SHISAL2B: variants seen among roughly 807,000 people sequenced by gnomAD.
SHISAL2B encodes protein shisa-like-2B.
SHISAL2B carries 12 observed loss-of-function variants against 16.5 expected under a neutral mutation model. That is an observed-to-expected ratio of 0.73 (90% CI 0.47 to 1.18). The LOEUF is 1.18. Ranked by LOEUF, SHISAL2B falls within the 50% of genes most tolerant of loss-of-function variation. SHISAL2B has a pLI of 0.00. For synonymous variants in SHISAL2B, 72 were observed against 75.0 expected, an observed-to-expected ratio of 0.96 and a Z score of 0.21; for missense variants, 183 against 193.6, an observed-to-expected ratio of 0.95 and a Z score of 0.33.
intron 2 of SHISAL2B, 28 bp from the exon 3 acceptor site, chr5:64,717,861 A>G (rs1742079273): frequency 1.3e-6 from 2 of 1,487,448 alleles, no homozygotes; most frequent in African/African-American, 1.4e-5. Flanking sequence ...ATAATTTCAA[A>G]TAATTATTTT....
intron 2 of SHISAL2B, among the ~76,000 whole-genome samples, chr5:64,700,678 G>C (rs1001138112): frequency 6.6e-6 from 1 of 152,054 alleles, no homozygotes; most frequent in African/African-American, 2.4e-5. Context: ...CTACCAAAGT[G>C]CTGGGATTAT....
chr5:64,708,259 A>C (rs1175018717), intron 2 of SHISAL2B, among the ~76,000 whole-genome samples: 2 of 152,166 alleles, frequency 1.3e-5, no homozygotes, highest in African/African-American at 4.8e-5. Flanking sequence ...CAATAAGCCA[A>C]ATATGTCTCT....
intron 1 of SHISAL2B, among the ~76,000 whole-genome samples, chr5:64,694,992 C>T (rs1339206246): frequency 6.6e-5 from 10 of 152,086 alleles, no homozygotes; most frequent in South Asian, 4.2e-4. Flanking sequence ...CGGCCGGGAG[C>T]GGTGGCTCAC....
At chr5:64,707,297 C>T (rs1018071925) in intron 2 of SHISAL2B, among the ~76,000 whole-genome samples, 1 of 151,814 alleles carries the variant, frequency 6.6e-6, no homozygotes, top group Non-Finnish European at 1.5e-5. Flanking sequence ...AGTTTGTATC[C>T]TCAAATACCT....
intron 2 of SHISAL2B, among the ~76,000 whole-genome samples, chr5:64,714,058 T>A (rs1303111397): frequency 6.7e-6 from 1 of 149,022 alleles, no homozygotes; most frequent in Admixed American, 6.6e-5. Flanking sequence ...TCATTCTCCA[T>A]CCAGCTTTGT....
At position 64,690,796 on chromosome 5, in the gene SHISAL2B, G is replaced by C. The variant is rs746881061; in HGVS notation, c.173G>C (p.Ser58Thr). 2.3e-5 allele frequency: 35 copies of C among 1,538,994 alleles called. No individual in the cohort carries two copies. The highest frequency in any genetic ancestry group is 4.9e-5 in the East Asian group (2 of 40,774). The part of the protein sequence containing the change: ...EPGSYFPYKH[S>T]YMWSLSIGAL... ...GGCAGCTACTTCCCCTACAAGCACA[G>C]CTACATGTGGAGCCTCAGGTGGGCT... is the stretch of plus-strand genomic sequence containing the variant. The change falls in exon 1 of 3, where the codon AGC becomes ACC. Residue 58 changes from serine (S) to threonine (T), a missense_variant. Coordinates refer to ENST00000389074, the MANE Select transcript of SHISAL2B (RefSeq NM_001164442.2).
intron 2 of SHISAL2B, among the ~76,000 whole-genome samples, chr5:64,712,532 A>G (rs1465296749): frequency 1.3e-5 from 2 of 150,416 alleles, no homozygotes; most frequent in Admixed American, 6.6e-5. Context: ...TGGGGTGGAG[A>G]GTTCTGTAGA....
At chr5:64,691,017 G>A (rs1454915117) in intron 1 of SHISAL2B, among the ~76,000 whole-genome samples, 1 of 152,238 alleles carries the variant, frequency 6.6e-6, no homozygotes, top group Non-Finnish European at 1.5e-5. Context: ...TCCCCCGGGA[G>A]CCAGGACAGG....
intron 2 of SHISAL2B, among the ~76,000 whole-genome samples, chr5:64,708,455 A>C (rs1024837178): frequency 6.6e-6 from 1 of 152,170 alleles, no homozygotes; most frequent in Non-Finnish European, 1.5e-5. Flanking sequence ...AACAGGTGAA[A>C]ACCTTTATTC....
intron 1 of SHISAL2B, among the ~76,000 whole-genome samples, chr5:64,693,352 T>C (rs2112054665): frequency 6.6e-6 from 1 of 152,198 alleles, no homozygotes; most frequent in Admixed American, 6.5e-5. Flanking sequence ...TGAAACTGTT[T>C]GTCAGTATTA....
chr5:64,716,619 A>T (rs1398751536), intron 2 of SHISAL2B, among the ~76,000 whole-genome samples: 1 of 152,194 alleles, frequency 6.6e-6, no homozygotes, highest in Admixed American at 6.5e-5. Flanking sequence ...ATGACTTTTG[A>T]GGAAGGACTT....
At chr5:64,696,028 G>A (rs1213992312) in intron 2 of SHISAL2B, among the ~76,000 whole-genome samples, 1 of 152,198 alleles carries the variant, frequency 6.6e-6, no homozygotes, top group African/African-American at 2.4e-5. Flanking sequence ...CAGGGACCCT[G>A]AACAGAGGGA....
At chr5:64,710,965 C>A (rs1455755470) in intron 2 of SHISAL2B, among the ~76,000 whole-genome samples, 2 of 141,362 alleles carry the variant, frequency 1.4e-5, no homozygotes, top group East Asian at 2.0e-4. Flanking sequence ...TCTAGATAAA[C>A]AATCATGTTG....
At chr5:64,693,807 C>T (rs1462658557) in intron 1 of SHISAL2B, among the ~76,000 whole-genome samples, 1 of 152,166 alleles carries the variant, frequency 6.6e-6, no homozygotes, top group Admixed American at 6.5e-5. Context: ...GTGAGTCACT[C>T]TACAGTGACT....
At chr5:64,710,148 T>C (rs1741938838) in intron 2 of SHISAL2B, among the ~76,000 whole-genome samples, 1 of 119,552 alleles carries the variant, frequency 8.4e-6, no homozygotes, top group Non-Finnish European at 1.7e-5. Flanking sequence ...TAGGTTTTCT[T>C]CTAGGGTTTT....
At chr5:64,702,568 C>T (rs890091051) in intron 2 of SHISAL2B, among the ~76,000 whole-genome samples, 16 of 151,666 alleles carry the variant, frequency 1.1e-4, no homozygotes, top group African/African-American at 3.6e-4. Flanking sequence ...TTATAGTTAC[C>T]TATGGTTATC....
chr5:64,693,017 T>C (rs1246735898), intron 1 of SHISAL2B, among the ~76,000 whole-genome samples: 1 of 152,160 alleles, frequency 6.6e-6, no homozygotes, highest in Non-Finnish European at 1.5e-5. Flanking sequence ...CTTCTCCTTT[T>C]TTTTTTTTGA....
chr5:64,715,772 A>G (rs1002289835), intron 2 of SHISAL2B, among the ~76,000 whole-genome samples: 1 of 152,198 alleles, frequency 6.6e-6, no homozygotes, highest in Non-Finnish European at 1.5e-5. Flanking sequence ...AGCACATTCC[A>G]TGTAATTAAA....
chr5:64,714,798 G>A (rs1431846783), intron 2 of SHISAL2B, among the ~76,000 whole-genome samples: 1 of 152,142 alleles, frequency 6.6e-6, no homozygotes. Context: ...GGAGTGACCC[G>A]ATTTTCCAGG....
Sources: gnomAD v4.1 joint callset for allele counts (sites outside exome capture counted in the v4.1 genomes callset) on GRCh38, gnomAD v4.1.1 for gene constraint, MANE v1.5 for transcripts, NCBI Gene and HGNC (gene_info 2026-07-23, HGNC 2026-07-21) for gene names.